Variants in DCDC1 observed in about 807,000 individuals in gnomAD.
The protein encoded by DCDC1 is doublecortin domain-containing protein 1.
Under a neutral mutation model 178.3 loss-of-function variants are expected in DCDC1, and 200 were observed. The ratio of observed to expected loss-of-function variants is 1.12; its 90% CI spans 1.00 to 1.26. The LOEUF (loss-of-function observed/expected upper bound fraction) is 1.26, where lower values mean the gene tolerates loss of function less well. Among genes scored for constraint, DCDC1 ranks in the 50% most tolerant of loss-of-function variants. The probability of loss-of-function intolerance (pLI) is 0.00; values close to 1 mark genes in which losing one functional copy is unlikely to be tolerated. For missense variants in DCDC1, 1,983 were observed against 1,749.2 expected, an observed-to-expected ratio of 1.13 and a Z score of -2.38; for synonymous variants, 690 against 604.8, an observed-to-expected ratio of 1.14 and a Z score of -2.07.
At chr11:31,166,914 G>A (rs1428280547) in intron 9 of DCDC1, among the ~76,000 whole-genome samples, 3 of 152,082 alleles carry the variant, frequency 2.0e-5, no homozygotes, top group African/African-American at 4.8e-5. Context: ...CTTGAACCAC[G>A]AGAGGAAACT....
chr11:30,950,076 C>G (rs2134465018), intron 21 of DCDC1, among the ~76,000 whole-genome samples: 1 of 152,038 alleles, frequency 6.6e-6, no homozygotes, highest in Non-Finnish European at 1.5e-5. Flanking sequence ...CAGGTATATG[C>G]AAAAATGCTC....
intron 38 of DCDC1, among the ~76,000 whole-genome samples, chr11:30,869,641 C>T (rs1244693397): frequency 6.6e-6 from 1 of 152,066 alleles, no homozygotes; most frequent in Non-Finnish European, 1.5e-5. Flanking sequence ...CCCACACAGT[C>T]ATATAAAATG....
At chr11:31,068,848 T>C (rs1373252058) in intron 18 of DCDC1, among the ~76,000 whole-genome samples, 1 of 151,644 alleles carries the variant, frequency 6.6e-6, no homozygotes, top group Non-Finnish European at 1.5e-5. Context: ...TTACTTCTCA[T>C]TAATGTATTT....
intron 8 of DCDC1, among the ~76,000 whole-genome samples, chr11:31,244,823 C>T (rs1449813284): frequency 1.3e-5 from 2 of 151,660 alleles, no homozygotes; most frequent in Non-Finnish European, 3.0e-5. Context: ...TGTTTCATCT[C>T]AAGTTATGAC....
At chr11:30,938,996 G>A (rs969911973) in intron 21 of DCDC1, among the ~76,000 whole-genome samples, 8 of 152,058 alleles carry the variant, frequency 5.3e-5, no homozygotes, top group Admixed American at 2.0e-4. Flanking sequence ...TGCTTTGTCT[G>A]TCTCCAGCTG....
intron 9 of DCDC1, among the ~76,000 whole-genome samples, chr11:31,139,194 T>C (rs978624466): frequency 6.6e-6 from 1 of 152,162 alleles, no homozygotes; most frequent in Non-Finnish European, 1.5e-5. Context: ...TATATGAGCA[T>C]GACTGTGCTT....
chr11:31,063,041 G>C (rs1167681146), intron 20 of DCDC1, among the ~76,000 whole-genome samples: 1 of 145,752 alleles, frequency 6.9e-6, no homozygotes, highest in African/African-American at 2.6e-5. Flanking sequence ...GTGGGCAAAG[G>C]ATATGAACAG....
intron 8 of DCDC1, among the ~76,000 whole-genome samples, chr11:31,249,059 T>C (rs1019561950): frequency 2.0e-5 from 3 of 151,956 alleles, no homozygotes; most frequent in African/African-American, 4.8e-5. Context: ...GGCTGAAAAA[T>C]AAGAGACATA....
chr11:31,008,272 T>C (rs373420735), intron 20 of DCDC1, among the ~76,000 whole-genome samples: 57 of 152,158 alleles, frequency 3.7e-4, no homozygotes, highest in African/African-American at 1.3e-3. Flanking sequence ...AAGGAGGAAG[T>C]GCAGATAATT....
intron 32 of DCDC1, among the ~76,000 whole-genome samples, chr11:30,902,856 C>T (rs1416186303): frequency 1.3e-5 from 2 of 152,118 alleles, no homozygotes; most frequent in Non-Finnish European, 2.9e-5. Context: ...AGCAGACTGT[C>T]GTTTGGGACA....
chr11:31,239,618 T>C (rs1345929030), intron 9 of DCDC1, among the ~76,000 whole-genome samples: 5 of 151,916 alleles, frequency 3.3e-5, no homozygotes, highest in African/African-American at 1.2e-4. Context: ...AAGCTATGAA[T>C]TATTACAACT....
chr11:31,230,560 G>A (rs1279068776), intron 9 of DCDC1, among the ~76,000 whole-genome samples: 1 of 152,038 alleles, frequency 6.6e-6, no homozygotes, highest in Non-Finnish European at 1.5e-5. Context: ...ATCAGCTACT[G>A]ACCTCAGCAA....
chr11:31,064,426 G>C (rs372083026), intron 20 of DCDC1, 43 bp downstream of exon 20: 11 of 673,832 alleles, frequency 1.6e-5, no homozygotes, highest in Admixed American at 6.0e-5. Flanking sequence ...GGAAAATATC[G>C]AATGTCATTG....
At chr11:30,933,557 C>T (rs556818847) in intron 21 of DCDC1, among the ~76,000 whole-genome samples, 1 of 152,152 alleles carries the variant, frequency 6.6e-6, no homozygotes, top group South Asian at 2.1e-4. Context: ...ATTAAATGTG[C>T]TAATATTTTC....
intron 20 of DCDC1, among the ~76,000 whole-genome samples, chr11:31,012,823 G>A (rs536334850): frequency 1.3e-5 from 2 of 152,070 alleles, no homozygotes; most frequent in East Asian, 3.9e-4. Context: ...ATTTATATAA[G>A]GTTTGAAAAC....
chr11:31,209,733 A>T (rs375908616), intron 9 of DCDC1, among the ~76,000 whole-genome samples: 4 of 152,126 alleles, frequency 2.6e-5, no homozygotes, highest in African/African-American at 9.6e-5. Context: ...GAGAATAAAA[A>T]CTCCTCTTCT....
chr11:30,922,031 G>A (rs2134248303), intron 24 of DCDC1, among the ~76,000 whole-genome samples: 1 of 152,264 alleles, frequency 6.6e-6, no homozygotes, highest in Middle Eastern at 3.4e-3. Flanking sequence ...CCCACCCAGA[G>A]TATCGTCTGA....
intron 9 of DCDC1, among the ~76,000 whole-genome samples, chr11:31,184,647 G>A (rs950546694): frequency 9.9e-5 from 15 of 152,176 alleles, no homozygotes; most frequent in Admixed American, 2.0e-4. Flanking sequence ...CATTTATGCA[G>A]CCAACAAACA....
chr11:31,330,113 C>T (rs1331286550), intron 2 of DCDC1, among the ~76,000 whole-genome samples: 2 of 152,262 alleles, frequency 1.3e-5, no homozygotes, highest in Admixed American at 1.3e-4. Context: ...GAGATGGTAT[C>T]TCATTGTGGT....
Sources: allele counts gnomAD v4.1 joint callset (sites outside exome capture counted in the v4.1 genomes callset), GRCh38; gene constraint gnomAD v4.1.1; transcripts MANE v1.5; gene names NCBI Gene and HGNC (gene_info 2026-07-23, HGNC 2026-07-21).